The following CPNE4 variants were observed in gnomAD, a reference collection of about 807,000 sequenced individuals.
CPNE4 encodes the protein copine-4.
CPNE4 carries 25 observed loss-of-function variants against 67.9 expected under a neutral mutation model. The observed-to-expected ratio is 0.37, with a 90% CI of 0.27 to 0.51. CPNE4 has a LOEUF of 0.51. Among genes scored for constraint, CPNE4 ranks in the 20% least tolerant of loss-of-function variants. The probability of loss-of-function intolerance (pLI) is 0.93; values close to 1 mark genes in which losing one functional copy is unlikely to be tolerated. For synonymous variants in CPNE4, 242 were observed against 244.9 expected (o/e 0.99, Z 0.11); for missense variants, 464 against 690.8 (o/e 0.67, Z 3.68).
intron 2 of CPNE4, among the ~76,000 whole-genome samples, chr3:131,851,235 A>C (rs2086231983): frequency 6.6e-6 from 1 of 152,134 alleles, no homozygotes; most frequent in Non-Finnish European, 1.5e-5. Context: ...GACATTATCT[A>C]TAATGTTTGA....
At chr3:131,678,549 T>C (rs1388616871) in intron 6 of CPNE4, among the ~76,000 whole-genome samples, 1 of 152,180 alleles carries the variant, frequency 6.6e-6, no homozygotes, top group Non-Finnish European at 1.5e-5. Flanking sequence ...TTTTTCCCAT[T>C]CAGTATGATG....
At chr3:131,705,534 G>A (rs1360999966) in intron 3 of CPNE4, among the ~76,000 whole-genome samples, 2 of 152,176 alleles carry the variant, frequency 1.3e-5, no homozygotes, top group Non-Finnish European at 2.9e-5. Flanking sequence ...AGAAACTGAG[G>A]AAGGCACAAT....
chr3:131,747,174 T>A (rs2082512042), intron 2 of CPNE4, among the ~76,000 whole-genome samples: 1 of 151,908 alleles, frequency 6.6e-6, no homozygotes, highest in African/African-American at 2.4e-5. Flanking sequence ...ACATTTTGGA[T>A]CTAAACCCCT....
In CPNE4 at chr3:131,706,647, G is replaced by T. The variant is rs114528213; in HGVS notation, c.361-6667C>A. ...TCCCTTTTGGGATTCAGGCCCAGCTGACCAGCATTAACATCAACATAGACT... is the reference window on the plus strand; with the variant it reads ...TCCCTTTTGGGATTCAGGCCCAGCTTACCAGCATTAACATCAACATAGACT... On this transcript the variant is annotated intron_variant, in intron 3 of 15. Coordinates refer to ENST00000429747, the MANE Select transcript of CPNE4 (RefSeq NM_130808.3). Among the ~76,000 whole-genome samples the T allele has an allele frequency of 2.5e-3, 388 of 152,264 alleles. 3 individuals are homozygous for T. The highest frequency in any genetic ancestry group is 7.8e-3 in the African/African-American group (323 of 41,560).
rs541127058 is a variant in CPNE4 at position 131,903,258 on chromosome 3, T to A, written c.180+2006A>T. Among the ~76,000 whole-genome samples the A allele has an allele frequency of 5.9e-5, 9 of 152,268 alleles. 1 individual carries two copies. The South Asian group carries it at 1.9e-3, about 32-fold the overall frequency. ...AGGTCTATTTGTGCTCTGATCAGCA[T>A]GGCTTCAAATCCCTTATTCTGAGTA... On this transcript the variant is annotated intron_variant, in intron 2 of 15. Coordinates refer to ENST00000429747, the MANE Select transcript of CPNE4 (RefSeq NM_130808.3).
intron 4 of CPNE4, among the ~76,000 whole-genome samples, chr3:131,697,821 A>G (rs2081189772): frequency 6.6e-6 from 1 of 152,138 alleles, no homozygotes; most frequent in Non-Finnish European, 1.5e-5. Flanking sequence ...GAAAGTTATG[A>G]TTTTCACCAT....
intron 10 of CPNE4, among the ~76,000 whole-genome samples, chr3:131,572,950 T>C (rs1158226470): frequency 6.6e-6 from 1 of 152,002 alleles, no homozygotes; most frequent in South Asian, 2.1e-4. Context: ...ACAGACCAAA[T>C]TAAATAAGAC....
In CPNE4 at chr3:131,722,448, C is replaced by A. The variant is rs565134616; in HGVS notation, c.360+998G>T. Among the ~76,000 whole-genome samples, 26 of 152,062 alleles carry A rather than the reference C, an allele frequency of 1.7e-4. No homozygotes were observed. The East Asian group carries it at 3.9e-3, about 23-fold the overall frequency. On this transcript the variant is annotated intron_variant, in intron 3 of 15. Transcript: ENST00000429747. ...GTGGTCTCTTCCCACCCCATACCCC[C>A]CCACGTTTGTTCTGACCCCTATGAG...
At chr3:131,544,721 G>C (rs545135491) in intron 14 of CPNE4, among the ~76,000 whole-genome samples, 1 of 152,118 alleles carries the variant, frequency 6.6e-6, no homozygotes, top group Non-Finnish European at 1.5e-5. Flanking sequence ...AGGAGTATAG[G>C]ACATACCAGA....
At chr3:131,548,737 G>T (rs953494225) in intron 14 of CPNE4, among the ~76,000 whole-genome samples, 3 of 152,062 alleles carry the variant, frequency 2.0e-5, no homozygotes, top group African/African-American at 7.2e-5. Flanking sequence ...AGATCAGAGA[G>T]GTAGGCAGAG....
chr3:131,715,345 TAAG>T (rs1426888812), intron 3 of CPNE4, among the ~76,000 whole-genome samples: 14 of 152,284 alleles, frequency 9.2e-5, no homozygotes, highest in African/African-American at 3.4e-4. Flanking sequence ...CAAATAAACT[TAAG>T]AAGAAACAAG....
intron 2 of CPNE4, among the ~76,000 whole-genome samples, chr3:131,884,705 C>T (rs1309079107): frequency 2.6e-5 from 4 of 152,114 alleles, no homozygotes; most frequent in Non-Finnish European, 4.4e-5. Context: ...GGGCAGTTTC[C>T]TCCATACTGT....
chr3:131,673,713 T>C (rs1370199026), intron 6 of CPNE4, among the ~76,000 whole-genome samples: 3 of 152,052 alleles, frequency 2.0e-5, no homozygotes, highest in Non-Finnish European at 4.4e-5. Context: ...AGTTTTCTTG[T>C]AGAGTCTTTA....
intron 2 of CPNE4, among the ~76,000 whole-genome samples, chr3:131,792,813 AGT>A (rs556139089): frequency 3.2e-4 from 45 of 142,576 alleles, no homozygotes; most frequent in African/African-American, 1.1e-3. Context: ...ATATATGTGG[AGT>A]GTGTGTGTAT....
chr3:131,543,007 A>G, intron 14 of CPNE4: 2 of 537,544 alleles, frequency 3.7e-6, no homozygotes, highest in South Asian at 4.8e-5. Flanking sequence ...GCTTAATTAT[A>G]ATAACTACCT....
At chr3:131,967,250 A>G (rs1459216454) in intron 1 of CPNE4, among the ~76,000 whole-genome samples, 1 of 152,228 alleles carries the variant, frequency 6.6e-6, no homozygotes. Context: ...ATTTATGACA[A>G]GCCCACAGCC....
intron 1 of CPNE4, among the ~76,000 whole-genome samples, chr3:132,018,505 C>T (rs1316606309): frequency 6.6e-6 from 1 of 152,176 alleles, no homozygotes. Context: ...ACCTATTTTG[C>T]TAAAATGACA....
chr3:131,904,223 G>C (rs2088659234), intron 2 of CPNE4, among the ~76,000 whole-genome samples: 1 of 152,090 alleles, frequency 6.6e-6, no homozygotes, highest in Admixed American at 6.6e-5. Context: ...TTCCAAAGCT[G>C]GTTAAAACTG....
chr3:131,714,826 A>T (rs2081644714), intron 3 of CPNE4, among the ~76,000 whole-genome samples: 1 of 152,170 alleles, frequency 6.6e-6, no homozygotes, highest in Admixed American at 6.5e-5. Context: ...GATGGTATAT[A>T]ATCTCTCTCT....
Sources: gnomAD v4.1 joint callset for allele counts (sites outside exome capture counted in the v4.1 genomes callset) on GRCh38, gnomAD v4.1.1 for gene constraint, MANE v1.5 for transcripts, NCBI Gene and HGNC (gene_info 2026-07-23, HGNC 2026-07-21) for gene names.